VTA1: variants seen among roughly 807,000 people sequenced by gnomAD.
The protein encoded by VTA1 is vesicle trafficking 1.
VTA1 carries 24 observed loss-of-function variants against 36.9 expected under a neutral mutation model. That is an observed-to-expected ratio of 0.65 (90% CI 0.47 to 0.91). VTA1 has a LOEUF of 0.91. Among genes scored for constraint, VTA1 ranks in the 40% least tolerant of loss-of-function variants. VTA1 has a pLI of 0.00. For synonymous variants in VTA1, 142 were observed against 130.2 expected, an observed-to-expected ratio of 1.09 and a Z score of -0.62; for missense variants, 393 against 377.2, an observed-to-expected ratio of 1.04 and a Z score of -0.35.
Position 142,218,500 on chromosome 6 carries a change from G to T in VTA1, c.781G>T (p.Asp261Tyr). Residue 261 changes from aspartate to tyrosine, a missense_variant and splice_region_variant, in exon 8 of 8, where the codon GAT becomes TAT. Transcript: ENST00000367630. ...PALFNTISQG[D>Y]VRLTPEDFAR... ...CCCAATTGTTCTTTTTCTTCTAGGGGATGTTCGTCTAACCCCAGAAGACTT... is the reference window on the plus strand; with the variant it reads ...CCCAATTGTTCTTTTTCTTCTAGGGTATGTTCGTCTAACCCCAGAAGACTT... The T allele has an allele frequency of 6.2e-7, 1 of 1,612,140 alleles. No homozygotes were observed. The highest frequency in any genetic ancestry group is 1.1e-5 in the South Asian group (1 of 90,666).
intron 4 of VTA1, among the ~76,000 whole-genome samples, chr6:142,172,337 C>G (rs1278214788): frequency 6.6e-6 from 1 of 152,118 alleles, no homozygotes; most frequent in Non-Finnish European, 1.5e-5. Flanking sequence ...TGTGACTGTC[C>G]CTTTAATTTC....
At position 142,197,931 on chromosome 6, in the gene VTA1, A is replaced by C. The variant is rs1339502969; in HGVS notation, c.521-508A>C. 5.4e-5 allele frequency among the ~76,000 whole-genome samples: 8 copies of C among 148,732 alleles called. No individual in the cohort carries two copies. In the South Asian group the frequency reaches 1.3e-3, roughly 24 times the overall value. On this transcript the variant is annotated intron_variant, in intron 5 of 7. Coordinates refer to ENST00000367630, the MANE Select transcript of VTA1 (RefSeq NM_016485.5). ...CTACTAAAAATACAAAAAAAAAAAAACCAAAAAAAAAACAAACTAGCCGGG... is the reference window on the plus strand; with the variant it reads ...CTACTAAAAATACAAAAAAAAAAAACCCAAAAAAAAAACAAACTAGCCGGG...
intron 4 of VTA1, among the ~76,000 whole-genome samples, chr6:142,179,409 A>G (rs1562261770): frequency 6.6e-6 from 1 of 152,124 alleles, no homozygotes; most frequent in Non-Finnish European, 1.5e-5. Context: ...CCTGAAAAAG[A>G]CTTGTTGAGG....
intron 7 of VTA1, among the ~76,000 whole-genome samples, chr6:142,216,874 A>G (rs143700917): frequency 1.3e-5 from 2 of 152,214 alleles, no homozygotes; most frequent in East Asian, 3.8e-4. Context: ...TGTATATTTA[A>G]AAGAGTGCCC....
intron 6 of VTA1, among the ~76,000 whole-genome samples, chr6:142,202,782 G>A (rs1425290147): frequency 6.6e-6 from 1 of 151,864 alleles, no homozygotes; most frequent in Admixed American, 6.6e-5. Context: ...GGTAGGAGAG[G>A]CAGGCTTTCT....
chr6:142,193,540 CATAA>C (rs965954847), intron 5 of VTA1, among the ~76,000 whole-genome samples: 152 of 152,124 alleles, frequency 1.0e-3, no homozygotes, highest in African/African-American at 3.4e-3. Flanking sequence ...CCAGTCTATA[CATAA>C]ATAAATGTAT....
In VTA1 at chr6:142,154,625, A is replaced by G. The variant is rs112822372; in HGVS notation, c.112+7226A>G. ...AGTGATAGAGTTTCTCTTCATTCTC[A>G]CCAGCATTTTGTGTCACTATTTTTA... On this transcript the variant is annotated intron_variant, in intron 1 of 7. Transcript: ENST00000367630. Among the ~76,000 whole-genome samples, 1,029 of 152,180 alleles carry G rather than the reference A, an allele frequency of 6.8e-3. 15 individuals are homozygous for G. The highest frequency in any genetic ancestry group is 0.024 in the African/African-American group (981 of 41,558).
intron 1 of VTA1, among the ~76,000 whole-genome samples, chr6:142,149,734 G>A (rs1202704295): frequency 6.6e-6 from 1 of 152,038 alleles, no homozygotes; most frequent in Admixed American, 6.6e-5. Context: ...AATCTCTTAG[G>A]ACTTAACCTT....
intron 1 of VTA1, among the ~76,000 whole-genome samples, chr6:142,150,303 G>C (rs945478045): frequency 2.0e-5 from 3 of 152,094 alleles, no homozygotes; most frequent in Non-Finnish European, 2.9e-5. Context: ...CTAGACCAGC[G>C]CTCTCCAAAC....
At chr6:142,184,260 C>A (rs1399327787) in intron 4 of VTA1, among the ~76,000 whole-genome samples, 1 of 152,072 alleles carries the variant, frequency 6.6e-6, no homozygotes, top group African/African-American at 2.4e-5. Flanking sequence ...TTGTAGTTTA[C>A]CAAGATAGAC....
intron 1 of VTA1, among the ~76,000 whole-genome samples, chr6:142,162,506 A>T (rs225647): frequency 0.83 from 126,097 of 152,104 alleles, 52,974 homozygotes; most frequent in East Asian, 0.97. Context: ...TGTATGTATG[A>T]TTGGGTAAGT....
At position 142,185,259 on chromosome 6, in the gene VTA1, C is replaced by T. The variant is rs1057351667; in HGVS notation, c.412-4167C>T. Among the ~76,000 whole-genome samples, 6 of 152,028 alleles carry T rather than the reference C, an allele frequency of 3.9e-5. 1 individual carries two copies. The highest frequency in any genetic ancestry group is 3.3e-4 in the Admixed American group (5 of 15,274). ...TTGTATTTTAATTTCATATCGATAG[C>T]CAGATGAGTAGCTCCCTAAGGGTGG... On this transcript the variant is annotated intron_variant, in intron 4 of 7. Coordinates refer to ENST00000367630, the MANE Select transcript of VTA1 (RefSeq NM_016485.5).
intron 4 of VTA1, among the ~76,000 whole-genome samples, chr6:142,178,496 A>G (rs1775168021): frequency 6.6e-6 from 1 of 152,166 alleles, no homozygotes; most frequent in Non-Finnish European, 1.5e-5. Context: ...AAGGAAAAGG[A>G]TACCAAGTAG....
intron 1 of VTA1, among the ~76,000 whole-genome samples, chr6:142,155,477 T>G (rs1778645903): frequency 6.6e-6 from 1 of 152,208 alleles, no homozygotes; most frequent in African/African-American, 2.4e-5. Flanking sequence ...TGTAATTGTT[T>G]AAACATTACA....
intron 7 of VTA1, among the ~76,000 whole-genome samples, chr6:142,214,909 C>T (rs1775977157): frequency 6.6e-6 from 1 of 152,132 alleles, no homozygotes. Context: ...ATTACTACTG[C>T]TTCTAGTACT....
intron 7 of VTA1, among the ~76,000 whole-genome samples, chr6:142,207,914 T>A (rs1775825720): frequency 6.6e-6 from 1 of 151,570 alleles, no homozygotes; most frequent in African/African-American, 2.4e-5. Flanking sequence ...CGAAACCCTG[T>A]CTCTACTGAA....
At chr6:142,154,216 T>G (rs999834713) in intron 1 of VTA1, among the ~76,000 whole-genome samples, 3 of 152,098 alleles carry the variant, frequency 2.0e-5, no homozygotes, top group Admixed American at 1.3e-4. Context: ...TTCTAAAGTT[T>G]TATCATTTAA....
chr6:142,215,748 G>A (rs1203377405), intron 7 of VTA1, among the ~76,000 whole-genome samples: 1 of 152,184 alleles, frequency 6.6e-6, no homozygotes, highest in East Asian at 1.9e-4. Flanking sequence ...TTACAAATAA[G>A]TGTTCTATCC....
At chr6:142,189,671 A>T in intron 5 of VTA1, 137 bp downstream of exon 5, 1 of 629,478 alleles carries the variant, frequency 1.6e-6, no homozygotes, top group Non-Finnish European at 2.6e-6. Context: ...GTATAAAATC[A>T]TAAACTTAGG....
Sources: allele counts gnomAD v4.1 joint callset (sites outside exome capture counted in the v4.1 genomes callset), GRCh38; gene constraint gnomAD v4.1.1; transcripts MANE v1.5; gene names NCBI Gene and HGNC (gene_info 2026-07-23, HGNC 2026-07-21).